SDHB: variants seen among roughly 807,000 people sequenced by gnomAD.
The protein encoded by SDHB is succinate dehydrogenase complex iron sulfur subunit B.
In SDHB, 21 loss-of-function variants were observed where a neutral mutation model predicts 39.7. That is an observed-to-expected ratio of 0.53 (90% CI 0.37 to 0.76). The LOEUF is 0.76. Ranked by LOEUF, SDHB falls within the 30% of genes least tolerant of loss-of-function variation. The probability of loss-of-function intolerance (pLI) is 0.00; values close to 1 mark genes in which losing one functional copy is unlikely to be tolerated. For missense variants in SDHB, 343 were observed against 350.9 expected, an observed-to-expected ratio of 0.98 and a Z score of 0.18; for synonymous variants, 118 against 117.0, an observed-to-expected ratio of 1.01 and a Z score of -0.06.
intron 1 of SDHB, among the ~76,000 whole-genome samples, chr1:17,048,753 C>T (rs369553440): frequency 3.9e-5 from 6 of 152,076 alleles, no homozygotes; most frequent in African/African-American, 1.4e-4. Flanking sequence ...TCTTGTCCCC[C>T]AGGCTGGAGT....
intron 7 of SDHB, among the ~76,000 whole-genome samples, 169 bp downstream of exon 7, chr1:17,022,439 C>T (rs948100481): frequency 4.6e-5 from 7 of 152,180 alleles, no homozygotes; most frequent in African/African-American, 1.2e-4. Flanking sequence ...CTCCTTGCAA[C>T]TAAGAGCCAA....
chr1:17,046,598 G>A (rs2078111462), intron 1 of SDHB, among the ~76,000 whole-genome samples: 1 of 152,042 alleles, frequency 6.6e-6, no homozygotes, highest in Middle Eastern at 3.2e-3. Context: ...TCATATAAAT[G>A]GCATCATACG....
At chr1:17,021,458 A>G (rs1218403032) in intron 7 of SDHB, among the ~76,000 whole-genome samples, 1 of 151,406 alleles carries the variant, frequency 6.6e-6, no homozygotes, top group Non-Finnish European at 1.5e-5. Context: ...AAAACAGATG[A>G]GAGGGGCCGG....
intron 3 of SDHB, among the ~76,000 whole-genome samples, chr1:17,031,646 CAG>C (rs1262765306): frequency 1.3e-5 from 2 of 152,184 alleles, no homozygotes; most frequent in Non-Finnish European, 2.9e-5. Context: ...TGAATCAAAA[CAG>C]ATGTCTTAAA....
intron 3 of SDHB, among the ~76,000 whole-genome samples, chr1:17,031,035 C>G (rs1026046209): frequency 3.3e-5 from 5 of 151,336 alleles, no homozygotes; most frequent in African/African-American, 1.2e-4. Flanking sequence ...GCTAGCCTAC[C>G]ACCTAGACCT....
At chr1:17,028,133 C>T (rs1433532268) in intron 4 of SDHB, among the ~76,000 whole-genome samples, 1 of 152,230 alleles carries the variant, frequency 6.6e-6, no homozygotes, top group Admixed American at 6.5e-5. Flanking sequence ...GAAAACACCA[C>T]GTCAGCAAAG....
chr1:17,027,521 C>T, intron 5 of SDHB: 1 of 538,814 alleles, frequency 1.9e-6, no homozygotes, highest in South Asian at 2.0e-5. Context: ...ACCACCCGCC[C>T]CTGCAGGCGG....
intron 1 of SDHB, chr1:17,052,456 A>G (rs2078153920): frequency 1.3e-5 from 2 of 152,198 alleles, no homozygotes; most frequent in Admixed American, 6.5e-5. Flanking sequence ...AGGCCCTGCA[A>G]AGACCTTGCC....
At chr1:17,022,283 C>T (rs1436947223) in intron 7 of SDHB, among the ~76,000 whole-genome samples, 1 of 152,176 alleles carries the variant, frequency 6.6e-6, no homozygotes, top group Non-Finnish European at 1.5e-5. Flanking sequence ...CACAGCTGCC[C>T]ACGTTCCAAC....
At chr1:17,029,731 C>CT (rs201402887) in intron 3 of SDHB, among the ~76,000 whole-genome samples, 1 of 151,382 alleles carries the variant, frequency 6.6e-6, no homozygotes, top group Non-Finnish European at 1.5e-5. Context: ...AGCTCTTCTT[C>CT]TTTTTTTTTC....
Position 17,033,121 on chromosome 1 carries a change from A to G in SDHB, c.225T>C (p.Ala75=), listed in dbSNP as rs201762207. The G allele has an allele frequency of 4.6e-5, 74 of 1,613,570 alleles. No individual in the cohort carries two copies. The highest frequency in any genetic ancestry group is 6.1e-5 in the Non-Finnish European group (72 of 1,179,560). ...CAACTTCATTCTTAATCTTGATTAA[A>G]GCATCCAATACCATGGGGCCACATC... The part of the protein sequence containing the change: ...LNKCGPMVLD[A]LIKIKNEVDS... Residue 75 remains alanine, a synonymous_variant, in exon 3 of 8, where the codon GCT becomes GCC. Transcript: ENST00000375499.
chr1:17,041,396 G>A (rs752072720), intron 2 of SDHB, among the ~76,000 whole-genome samples: 8 of 152,044 alleles, frequency 5.3e-5, no homozygotes, highest in South Asian at 4.1e-4. Context: ...TCCACTGGGC[G>A]CGGTGGCTCA....
intron 7 of SDHB, among the ~76,000 whole-genome samples, chr1:17,020,686 C>A (rs1327857088): frequency 1.3e-5 from 2 of 152,188 alleles, no homozygotes; most frequent in Non-Finnish European, 2.9e-5. Flanking sequence ...CATAAGGTGA[C>A]ATTTATTGGG....
At chr1:17,035,601 AGCACTTTGGGAG>A (rs113973560) in intron 2 of SDHB, among the ~76,000 whole-genome samples, 33 of 152,288 alleles carry the variant, frequency 2.2e-4, no homozygotes, top group South Asian at 4.1e-4. Context: ...CTGTAATCCC[AGCACTTTGGGAG>A]GCACTTTGGG....
intron 5 of SDHB, among the ~76,000 whole-genome samples, chr1:17,025,335 T>C (rs1244613633): frequency 2.0e-5 from 3 of 151,538 alleles, no homozygotes; most frequent in African/African-American, 4.8e-5. Context: ...CATAAAAATA[T>C]AATGTAATAA....
chr1:17,052,406 G>A (rs2078153466), intron 1 of SDHB: 1 of 152,190 alleles, frequency 6.6e-6, no homozygotes, highest in Non-Finnish European at 1.5e-5. Flanking sequence ...CACAAGGAAG[G>A]GGAGGCCTTG....
At chr1:17,037,535 C>T (rs2078056593) in intron 2 of SDHB, among the ~76,000 whole-genome samples, 1 of 152,108 alleles carries the variant, frequency 6.6e-6, no homozygotes, top group African/African-American at 2.4e-5. Context: ...TGGCTCACTG[C>T]AACCTCTGCC....
intron 3 of SDHB, among the ~76,000 whole-genome samples, chr1:17,029,122 T>TA (rs71006410): frequency 7.3e-6 from 1 of 137,126 alleles, no homozygotes; most frequent in Non-Finnish European, 1.6e-5. Flanking sequence ...TTTTTTTTTT[T>TA]AAAGAAAGGG....
intron 5 of SDHB, 90 bp from the exon 6 acceptor site, chr1:17,024,164 G>A: frequency 1.1e-6 from 1 of 908,910 alleles, no homozygotes; most frequent in Non-Finnish European, 1.8e-6. Context: ...TGGGGTCAGT[G>A]CATGAACAAA....
Sources: gnomAD v4.1 joint callset for allele counts (sites outside exome capture counted in the v4.1 genomes callset) on GRCh38, gnomAD v4.1.1 for gene constraint, MANE v1.5 for transcripts, NCBI Gene and HGNC (gene_info 2026-07-23, HGNC 2026-07-21) for gene names.